The following EDNRB variants were observed in gnomAD, a reference collection of about 807,000 sequenced individuals.
EDNRB encodes the protein endothelin receptor type B, also known as Hirschsprung disease 2.
Under a neutral mutation model 46.4 loss-of-function variants are expected in EDNRB, and 18 were observed. The ratio of observed to expected loss-of-function variants is 0.39; its 90% CI spans 0.27 to 0.57. The LOEUF is 0.57. Ranked by LOEUF, EDNRB falls within the 20% of genes least tolerant of loss-of-function variation. The probability of loss-of-function intolerance (pLI) is 0.61; values close to 1 mark genes in which losing one functional copy is unlikely to be tolerated. For missense variants in EDNRB, 434 were observed against 537.5 expected (o/e 0.81, Z 1.90); for synonymous variants, 213 against 204.9 (o/e 1.04, Z -0.34).
chr13:77,970,217 TA>T (rs1881689575), intron 1 of EDNRB, among the ~76,000 whole-genome samples: 1 of 152,220 alleles, frequency 6.6e-6, no homozygotes, highest in South Asian at 2.1e-4. Flanking sequence ...GCTTAAATTC[TA>T]GACCCAGTAT....
At chr13:77,950,075 G>A (rs1160591364) in intron 1 of EDNRB, among the ~76,000 whole-genome samples, 1 of 152,128 alleles carries the variant, frequency 6.6e-6, no homozygotes, top group Non-Finnish European at 1.5e-5. Flanking sequence ...CCCCCAAAAT[G>A]TGTTGTTTCT....
At chr13:77,925,732 C>T (rs1003166939) in intron 1 of EDNRB, among the ~76,000 whole-genome samples, 3 of 152,230 alleles carry the variant, frequency 2.0e-5, no homozygotes, top group African/African-American at 7.2e-5. Flanking sequence ...AGCCCCCACA[C>T]AGAGTCCCTA....
chr13:77,920,241 A>G (rs918616554), upstream of EDNRB, among the ~76,000 whole-genome samples: 3 of 152,308 alleles, frequency 2.0e-5, no homozygotes, highest in African/African-American at 7.2e-5. Flanking sequence ...ATTCAACATG[A>G]TATTTATTTA....
intron 3 of EDNRB, among the ~76,000 whole-genome samples, chr13:77,901,584 T>C (rs1282111494): frequency 6.6e-6 from 1 of 152,010 alleles, no homozygotes; most frequent in Non-Finnish European, 1.5e-5. Context: ...AGTGTTTAGA[T>C]GAAGTTCTCA....
intron 1 of EDNRB, among the ~76,000 whole-genome samples, chr13:77,959,561 C>G (rs1881341340): frequency 6.6e-6 from 1 of 152,112 alleles, no homozygotes; most frequent in Non-Finnish European, 1.5e-5. Context: ...CATCAAAGAC[C>G]AAAGGTAGAT....
chr13:77,935,075 G>T (rs916803919), intron 1 of EDNRB, among the ~76,000 whole-genome samples: 4 of 151,724 alleles, frequency 2.6e-5, no homozygotes, highest in Non-Finnish European at 4.4e-5. Flanking sequence ...AAGGAGCCGG[G>T]GAGCAGAAAG....
intron 1 of EDNRB, among the ~76,000 whole-genome samples, chr13:77,904,177 GTCCT>G (rs1189900952): frequency 6.6e-6 from 1 of 151,640 alleles, no homozygotes; most frequent in Non-Finnish European, 1.5e-5. Context: ...TTCGCTGTAG[GTCCT>G]TCCTTATCCT....
intron 1 of EDNRB, among the ~76,000 whole-genome samples, chr13:77,907,025 T>A (rs1387292216): frequency 2.7e-5 from 4 of 150,800 alleles, no homozygotes; most frequent in Middle Eastern, 3.4e-3. Context: ...TTAAATCAAA[T>A]TTTTTTTAAA....
intron 1 of EDNRB, among the ~76,000 whole-genome samples, chr13:77,949,783 A>G (rs1448659590): frequency 6.6e-6 from 1 of 152,162 alleles, no homozygotes; most frequent in Non-Finnish European, 1.5e-5. Flanking sequence ...GAGTAATCCC[A>G]CAAAGCACAG....
chr13:77,968,371 G>T (rs919569650), intron 1 of EDNRB, among the ~76,000 whole-genome samples: 2 of 152,054 alleles, frequency 1.3e-5, no homozygotes, highest in African/African-American at 4.8e-5. Context: ...GTAAGCATAT[G>T]ATCTCATTCA....
At chr13:77,942,623 T>A (rs1166801564) in intron 1 of EDNRB, among the ~76,000 whole-genome samples, 1 of 152,150 alleles carries the variant, frequency 6.6e-6, no homozygotes, top group Admixed American at 6.6e-5. Context: ...TAAAGGCCAA[T>A]TGGCAATATG....
chr13:77,906,648 C>G (rs573070287), intron 1 of EDNRB, among the ~76,000 whole-genome samples: 1 of 151,992 alleles, frequency 6.6e-6, no homozygotes, highest in Non-Finnish European at 1.5e-5. Flanking sequence ...TAATTTGCCA[C>G]GTCTGTGAAT....
At chr13:77,968,100 AT>A (rs1436846995) in intron 1 of EDNRB, among the ~76,000 whole-genome samples, 1 of 152,176 alleles carries the variant, frequency 6.6e-6, no homozygotes, top group Non-Finnish European at 1.5e-5. Context: ...TATGAAATCA[AT>A]TTTTTATCAA....
At position 77,898,220 on chromosome 13, in the gene EDNRB, T is replaced by G. The variant is rs1878734262; in HGVS notation, c.1309A>C (p.Asn437His). Residue 437 changes from asparagine (N) to histidine (H), a missense_variant, in exon 7 of 7, where the codon AAT becomes CAT. By Grantham distance (68) the Asn-to-His change is moderately conservative (BLOSUM62 1). Coordinates refer to ENST00000646607, the MANE Select transcript of EDNRB (RefSeq NM_001122659.3). ...TTCTTTCAAGATGAGCTGTATTTATTACTGGAACGGAAGTTGTCATATCCG... is the reference window on the plus strand; with the variant it reads ...TTCTTTCAAGATGAGCTGTATTTATGACTGGAACGGAAGTTGTCATATCCG... Reference protein sequence around the residue: ...DHGYDNFRSSNKYSSS With the variant: ...DHGYDNFRSSHKYSSS 3 of 1,611,892 alleles carry G rather than the reference T, an allele frequency of 1.9e-6. No homozygotes were observed. The highest frequency in any genetic ancestry group is 2.5e-6 in the Non-Finnish European group (3 of 1,178,694).
intron 1 of EDNRB, among the ~76,000 whole-genome samples, chr13:77,927,383 C>A (rs1880267434): frequency 6.6e-6 from 1 of 152,096 alleles, no homozygotes; most frequent in Admixed American, 6.5e-5. Flanking sequence ...AAGAAGAGTA[C>A]AAGTTGACCC....
chr13:77,900,067 T>C (rs1359111683), intron 5 of EDNRB, 100 bp from the exon 6 acceptor site: 2 of 931,092 alleles, frequency 2.1e-6, no homozygotes, highest in African/African-American at 3.3e-5. Context: ...AATGCCAATA[T>C]ACAATGGTTC....
chr13:77,898,048 T>G lies in EDNRB; in HGVS notation c.*152A>C. 6.9e-7 allele frequency: 1 copy of G among 1,450,274 alleles called. No homozygotes were observed. Among genetic ancestry groups the G allele is most frequent in the Non-Finnish European group, 9.1e-7 (1 of 1,103,998 alleles). 89.8% of individuals were successfully genotyped at this position (1,450,274 alleles called of 1,614,324 possible). A position where few individuals can be genotyped will look rare whatever the true frequency, so the allele number is the denominator to read the frequency against. On this transcript the variant is annotated 3_prime_UTR_variant, in exon 7 of 7. Coordinates refer to ENST00000646607, the MANE Select transcript of EDNRB (RefSeq NM_001122659.3). ...TAAACAGCTCATAAAATGTCATATG[T>G]AGCTGTGAGTGTTAAAATAATTACA...
In EDNRB at chr13:77,896,389, T is replaced by C; in HGVS notation, c.*1811A>G. On this transcript the variant is annotated 3_prime_UTR_variant, in exon 7 of 7. Coordinates refer to ENST00000646607, the MANE Select transcript of EDNRB (RefSeq NM_001122659.3). ...CTCTGAAAAAGTGATTGGGATGAAA[T>C]TAAAGAACAAGTTTGTGGGTGATTT... The C allele has an allele frequency of 6.6e-7, 1 of 1,510,258 alleles. No individual in the cohort carries two copies. The highest frequency in any genetic ancestry group is 2.3e-5 in the Admixed American group (1 of 43,154). The allele number at this position is 1,510,258 out of a possible 1,614,324, so 93.6% of individuals were successfully genotyped here. A position where few individuals can be genotyped will look rare whatever the true frequency, so the allele number is the denominator to read the frequency against.
At chr13:77,908,550 TAAC>T (rs761262158) in intron 1 of EDNRB, among the ~76,000 whole-genome samples, 1 of 151,774 alleles carries the variant, frequency 6.6e-6, no homozygotes, top group Non-Finnish European at 1.5e-5. Context: ...TTGGGAAAAA[TAAC>T]AACATCTAAC....
Sources: gnomAD v4.1 joint callset for allele counts (sites outside exome capture counted in the v4.1 genomes callset) on GRCh38, gnomAD v4.1.1 for gene constraint, MANE v1.5 for transcripts, NCBI Gene and HGNC (gene_info 2026-07-23, HGNC 2026-07-21) for gene names.